The following HEATR9 variants were observed in gnomAD, a reference collection of about 807,000 sequenced individuals.
HEATR9 encodes the protein HEAT repeat containing 9.
A neutral mutation model predicts 68.2 loss-of-function variants in HEATR9; 54 were observed. That is an observed-to-expected ratio of 0.79 (90% CI 0.64 to 0.99). The LOEUF is 0.99. Ranked by LOEUF, HEATR9 falls within the 50% of genes least tolerant of loss-of-function variation. HEATR9 has a pLI of 0.00. For synonymous variants in HEATR9, 241 were observed against 253.5 expected, an observed-to-expected ratio of 0.95 and a Z score of 0.47; for missense variants, 662 against 679.7, an observed-to-expected ratio of 0.97 and a Z score of 0.29.
chr17:35,859,052 C>G lies in HEATR9; in HGVS notation c.775G>C (p.Glu259Gln), dbSNP rs761833608. Residue 259 changes from glutamate to glutamine, a missense_variant, in exon 9 of 15, where the codon GAG becomes CAG. Transcript: ENST00000604834. ...SKDKRTQVGD[E>Q]GKLVPVLQTL... ...TGTAGTACAGGCACCAGCTTGCCCT[C>G]ATCCCCGACTTGAGTCCTCTGTGAG... 21 of 1,614,058 alleles carry G rather than the reference C, an allele frequency of 1.3e-5. No homozygotes were observed. Among genetic ancestry groups the G allele is most frequent in the Non-Finnish European group, 1.8e-5 (21 of 1,180,004 alleles).
Position 35,863,145 on chromosome 17 carries a change from A to C in HEATR9, c.626-20T>G, listed in dbSNP as rs373187566. 6.2e-7 allele frequency: 1 copy of C among 1,613,072 alleles called. No individual in the cohort carries two copies. Among genetic ancestry groups the C allele is most frequent in the African/African-American group, 1.3e-5 (1 of 75,046 alleles). The stretch of plus-strand genomic sequence containing the variant: ...GGCAACCTGGACAGGGAGGGGCCTC[A>C]AGTCAGGGCAGAGCCTCTGGTACTG... On this transcript the variant is annotated intron_variant, in intron 7 of 14. Coordinates refer to ENST00000604834, the MANE Select transcript of HEATR9 (RefSeq NM_152781.4).
intron 7 of HEATR9, 78 bp from the exon 8 acceptor site, chr17:35,863,203 G>T: frequency 6.3e-7 from 1 of 1,580,600 alleles, no homozygotes; most frequent in Non-Finnish European, 8.6e-7. Context: ...GAACTCCACT[G>T]TGCCATCGAG....
Position 35,865,291 on chromosome 17 carries a change from G to A in HEATR9, c.244C>T (p.His82Tyr), listed in dbSNP as rs1408690282. The A allele has an allele frequency of 6.2e-7, 1 of 1,613,864 alleles. No individual in the cohort carries two copies. The highest frequency in any genetic ancestry group is 1.7e-5 in the Admixed American group (1 of 59,982). Residue 82 changes from histidine to tyrosine, a missense_variant, in exon 3 of 15, where the codon CAC (histidine) becomes TAC (tyrosine). Transcript: ENST00000604834. Reference sequence around the variant, plus strand: ...CGCTGATCATACAGGTCGTGCCAGTGCGTGTAGATCTCAGGTTTCTTGAAG... The same window carrying A: ...CGCTGATCATACAGGTCGTGCCAGTACGTGTAGATCTCAGGTTTCTTGAAG... ...CYFKKPEIYT[H>Y]WHDLYDQREE...
chr17:35,863,748 G>A lies in HEATR9; in HGVS notation c.568-189C>T, dbSNP rs1027339826. The A allele has an allele frequency of 1.1e-5, 7 of 645,422 alleles. No individual in the cohort carries two copies. In the African/African-American group the frequency reaches 1.3e-4, roughly 12 times the overall value. 40.0% of individuals were successfully genotyped at this position (645,422 alleles called of 1,614,324 possible). On this transcript the variant is annotated intron_variant, in intron 6 of 14. Coordinates refer to ENST00000604834, the MANE Select transcript of HEATR9 (RefSeq NM_152781.4). Reference sequence around the variant, plus strand: ...GAAGGAACAATACAGTTGGGAGTTAGATGTTTGTTCAAATCTCTATCTGGT... The same window carrying A: ...GAAGGAACAATACAGTTGGGAGTTAAATGTTTGTTCAAATCTCTATCTGGT...
At chr17:35,856,857 A>ACTTAAGAG in intron 11 of HEATR9, 52 bp from the exon 12 acceptor site, 1 of 1,455,950 alleles carries the variant, frequency 6.9e-7, no homozygotes, top group Non-Finnish European at 9.4e-7. Flanking sequence ...AAGGGTGTAC[A>ACTTAAGAG]CTTAAGAGCC....
intron 4 of HEATR9, 80 bp downstream of exon 4, chr17:35,864,678 G>A: frequency 2.5e-6 from 4 of 1,602,436 alleles, no homozygotes; most frequent in Non-Finnish European, 3.4e-6. Flanking sequence ...AAGGACTGAG[G>A]GCTGAAGGAT....
rs2088057311 is a variant in HEATR9, at chr17:35,863,138, G to C, written c.626-13C>G. 1 of 1,613,384 alleles carries C rather than the reference G, an allele frequency of 6.2e-7. No individual in the cohort carries two copies. Among genetic ancestry groups the C allele is most frequent in the East Asian group, 2.2e-5 (1 of 44,894 alleles). ...TTATTCAGGCAACCTGGACAGGGAG[G>C]GGCCTCAAGTCAGGGCAGAGCCTCT... is the stretch of plus-strand genomic sequence containing the variant. On this transcript the variant is annotated splice_polypyrimidine_tract_variant and intron_variant, in intron 7 of 14. Coordinates refer to ENST00000604834, the MANE Select transcript of HEATR9 (RefSeq NM_152781.4).
rs62078235 is a variant in HEATR9 at position 35,863,527 on chromosome 17, C to T, written c.600G>A (p.Glu200=). 3 of 1,614,178 alleles carry T rather than the reference C, an allele frequency of 1.9e-6. No individual in the cohort carries two copies. In the Middle Eastern group the frequency reaches 4.9e-4, roughly 266 times the overall value. The stretch of plus-strand genomic sequence containing the variant: ...CCAGGATGGCCAGGGTTCGGTAGGC[C>T]TCGTACTTCACTTTCTCTGGACCAG... ...AQTGPEKVKY[E]AYRTLAILGC... Residue 200 remains glutamate, a synonymous_variant, in exon 7 of 15, where the codon GAG becomes GAA. Coordinates refer to ENST00000604834, the MANE Select transcript of HEATR9 (RefSeq NM_152781.4).
At chr17:35,863,905 C>T in intron 6 of HEATR9, 1 of 533,400 alleles carries the variant, frequency 1.9e-6, no homozygotes, top group Non-Finnish European at 3.3e-6. Flanking sequence ...ATAAAGAATG[C>T]ATGTTCCCAG....
At chr17:35,856,911 C>A (rs1213816406) in intron 11 of HEATR9, 106 bp from the exon 12 acceptor site, 2 of 1,063,136 alleles carry the variant, frequency 1.9e-6, no homozygotes, top group African/African-American at 1.6e-5. Flanking sequence ...ATGTAGAGTC[C>A]CTGCCTTAAG....
chr17:35,855,779 G>A, intron 13 of HEATR9, 29 bp from the exon 14 acceptor site: 6 of 1,583,658 alleles, frequency 3.8e-6, no homozygotes, highest in Non-Finnish European at 3.5e-6. Flanking sequence ...GAGTGCCTAT[G>A]TAGCCAGCCC....
chr17:35,860,901 C>T (rs887227009), intron 8 of HEATR9, among the ~76,000 whole-genome samples: 19 of 152,022 alleles, frequency 1.2e-4, no homozygotes, highest in Admixed American at 3.3e-4. Flanking sequence ...AAAAAATTAG[C>T]CGGGCGTGGT....
At chr17:35,864,349 C>A in intron 5 of HEATR9, 47 bp from the exon 6 acceptor site, 1 of 1,554,948 alleles carries the variant, frequency 6.4e-7, no homozygotes, top group Non-Finnish European at 8.9e-7. Context: ...TGGACATCAT[C>A]CCCAGGAGTT....
rs115373526 is a variant in HEATR9, at chr17:35,856,753, G to A, written c.1205C>T (p.Thr402Met). ...TCACGCCTCCACCAAGTTCATCATC[G>A]TAGGCTTCAACTTGAGCTCTTCCAC... is the stretch of plus-strand genomic sequence containing the variant. ...QTVEELKLKP[T>M]MMNLVEAQLM... is the part of the protein sequence containing the mutation. Residue 402 changes from threonine (T) to methionine (M), a missense_variant, in exon 12 of 15, where the codon ACG becomes ATG. Coordinates refer to ENST00000604834, the MANE Select transcript of HEATR9 (RefSeq NM_152781.4). 335 of 1,605,644 alleles carry A rather than the reference G, an allele frequency of 2.1e-4. 3 individuals carry two copies. In the Admixed American group the frequency reaches 4.9e-3, roughly 23 times the overall value.
At chr17:35,861,674 T>G in intron 8 of HEATR9, 1 of 555,026 alleles carries the variant, frequency 1.8e-6, no homozygotes, top group Non-Finnish European at 3.2e-6. Flanking sequence ...TCTGTAAGGC[T>G]AACCCACTCA....
chr17:35,855,326 C>T lies in HEATR9; in HGVS notation c.1450G>A (p.Ala484Thr), dbSNP rs745482024. 9.3e-6 allele frequency: 15 copies of T among 1,614,136 alleles called. No homozygotes were observed. The East Asian group carries it at 3.3e-4, about 36-fold the overall frequency. The change falls in exon 15 of 15, where the codon GCA becomes ACA. Residue 484 changes from alanine to threonine, a missense_variant. Ala to Thr is a moderately conservative substitution (Grantham distance 58). Coordinates refer to ENST00000604834, the MANE Select transcript of HEATR9 (RefSeq NM_152781.4). ...TCTGCCTTCACATTGGTCTTAGGTG[C>T]CTCATATACAGAGAGAACCTTGTTT... Reference protein sequence around the residue: ...LKNKVLSVYEAPKTNVKAEPT... With the variant: ...LKNKVLSVYETPKTNVKAEPT...
chr17:35,856,817 T>A lies in HEATR9; in HGVS notation c.1153-12A>T. 1 of 1,592,548 alleles carries A rather than the reference T, an allele frequency of 6.3e-7. No individual in the cohort carries two copies. The highest frequency in any genetic ancestry group is 8.6e-7 in the Non-Finnish European group (1 of 1,168,142). Reference sequence around the variant, plus strand: ...GCCTGCCTCACAGCCTGCAGAGGGATCAAAATGAGTCAACAGAGAGAGGGA... The same window carrying A: ...GCCTGCCTCACAGCCTGCAGAGGGAACAAAATGAGTCAACAGAGAGAGGGA... On this transcript the variant is annotated splice_polypyrimidine_tract_variant and intron_variant, in intron 11 of 14. Coordinates refer to ENST00000604834, the MANE Select transcript of HEATR9 (RefSeq NM_152781.4).
At position 35,859,084 on chromosome 17, in the gene HEATR9, A is replaced by G; in HGVS notation, c.757-14T>C. The G allele has an allele frequency of 6.2e-7, 1 of 1,612,166 alleles. No homozygotes were observed. On this transcript the variant is annotated splice_polypyrimidine_tract_variant and intron_variant, in intron 8 of 14. Transcript: ENST00000604834. ...GACTTGAGTCCTCTGTGAGGGAGACAAAATGGCTAAGGGGAGGGGCTATGT... is the reference window on the plus strand; with the variant it reads ...GACTTGAGTCCTCTGTGAGGGAGACGAAATGGCTAAGGGGAGGGGCTATGT...
chr17:35,860,450 T>TTTTATTTA (rs201786560), intron 8 of HEATR9, among the ~76,000 whole-genome samples: 4 of 134,938 alleles, frequency 3.0e-5, no homozygotes, highest in Admixed American at 7.3e-5. Flanking sequence ...AAGTCCTTAT[T>TTTTATTTA]TTTATTTATT....
Sources: allele counts gnomAD v4.1 joint callset (sites outside exome capture counted in the v4.1 genomes callset), GRCh38; gene constraint gnomAD v4.1.1; transcripts MANE v1.5; gene names NCBI Gene and HGNC (gene_info 2026-07-23, HGNC 2026-07-21).